The following PLRG1 variants were observed in gnomAD, a reference collection of about 807,000 sequenced individuals.
The protein encoded by PLRG1 is pleiotropic regulator 1.
PLRG1 carries 28 observed loss-of-function variants against 74.9 expected under a neutral mutation model. The ratio of observed to expected loss-of-function variants is 0.37; its 90% CI spans 0.28 to 0.51. The LOEUF is 0.51. PLRG1 is among the 20% of genes least tolerant of loss of function. The pLI is 0.91. For missense variants in PLRG1, 445 were observed against 631.9 expected, an observed-to-expected ratio of 0.70 and a Z score of 3.17; for synonymous variants, 197 against 212.4, an observed-to-expected ratio of 0.93 and a Z score of 0.63.
intron 6 of PLRG1, among the ~76,000 whole-genome samples, 181 bp from the exon 7 acceptor site, chr4:154,544,727 T>C (rs1729617466): frequency 6.6e-6 from 1 of 152,210 alleles, no homozygotes; most frequent in Non-Finnish European, 1.5e-5. Context: ...AGGCAGAGCA[T>C]TAGACTTAAG....
intron 7 of PLRG1, among the ~76,000 whole-genome samples, chr4:154,543,072 G>C (rs938122209): frequency 6.6e-6 from 1 of 152,174 alleles, no homozygotes; most frequent in African/African-American, 2.4e-5. Flanking sequence ...AACTAGAAGA[G>C]TAAAATTGGA....
chr4:154,549,002 T>G (rs1404274602), intron 1 of PLRG1, 67 bp from the exon 2 acceptor site: 7 of 913,978 alleles, frequency 7.7e-6, no homozygotes, highest in Non-Finnish European at 1.3e-5. Flanking sequence ...AAAGTCAGAT[T>G]GATTATACAC....
intron 6 of PLRG1, among the ~76,000 whole-genome samples, chr4:154,545,097 T>G (rs1215604451): frequency 6.6e-6 from 1 of 152,116 alleles, no homozygotes; most frequent in African/African-American, 2.4e-5. Flanking sequence ...CATCTAGTCA[T>G]CCAAAACATA....
chr4:154,542,131 T>C (rs1365851682), intron 8 of PLRG1, 56 bp downstream of exon 8: 1 of 1,093,424 alleles, frequency 9.1e-7, no homozygotes, highest in African/African-American at 1.5e-5. Flanking sequence ...TAATAACTGA[T>C]TAAACTTACA....
At position 154,538,000 on chromosome 4, in the gene PLRG1, C is replaced by A; in HGVS notation, c.1260G>T (p.Thr420=). 2 of 1,524,946 alleles carry A rather than the reference C, an allele frequency of 1.3e-6. No individual in the cohort carries two copies. The highest frequency in any genetic ancestry group is 8.9e-7 in the Non-Finnish European group (1 of 1,123,184). 94.5% of individuals were successfully genotyped at this position (1,524,946 alleles called of 1,614,324 possible). ...ATACAAGCACTCCATCAGAATTTAC[C>A]GTCAATGTGTTAATAATAGCATTAT... ...SGHNAIINTL[T]VNSDGVLVSG... is the part of the protein sequence containing the mutation. Residue 420 remains threonine (T), a synonymous_variant, in exon 13 of 15, where the codon ACG becomes ACT. Transcript: ENST00000499023.
At chr4:154,539,334 C>T (rs1321560342) in intron 11 of PLRG1, 121 bp from the exon 12 acceptor site, 1 of 639,914 alleles carries the variant, frequency 1.6e-6, no homozygotes, top group Non-Finnish European at 2.7e-6. Context: ...ATATCACACG[C>T]AAATTAGTCT....
chr4:154,546,175 G>A lies in PLRG1; in HGVS notation c.352C>T (p.Pro118Ser), dbSNP rs1349747933. ...AAGGACTGTGCAGCTGATTCACTTG[G>A]CATTCTCTGGATCTTAGTATCTGCT... ...LTADTKIQRM[P>S]SESAAQSLAV... is the part of the protein sequence containing the mutation. The change falls in exon 5 of 15, where the codon CCA becomes TCA. Residue 118 changes from proline (P) to serine (S), a missense_variant. Transcript: ENST00000499023. 1.2e-6 allele frequency: 2 copies of A among 1,609,144 alleles called. No individual in the cohort carries two copies. Among genetic ancestry groups the A allele is most frequent in the Non-Finnish European group, 8.5e-7 (1 of 1,175,584 alleles).
At chr4:154,537,695 C>A (rs916105828) in intron 13 of PLRG1, among the ~76,000 whole-genome samples, 2 of 152,044 alleles carry the variant, frequency 1.3e-5, no homozygotes, top group African/African-American at 4.8e-5. Context: ...AATCTGACAT[C>A]CAATTCCAGA....
chr4:154,537,666 A>T, intron 13 of PLRG1, 187 bp from the exon 14 acceptor site: 1 of 508,336 alleles, frequency 2.0e-6, no homozygotes, highest in Non-Finnish European at 3.4e-6. Flanking sequence ...GAACTTATAG[A>T]TCTTAAAAAG....
intron 6 of PLRG1, 59 bp downstream of exon 6, chr4:154,545,777 G>A (rs1729639977): frequency 2.1e-6 from 2 of 973,712 alleles, no homozygotes; most frequent in East Asian, 4.9e-5. Context: ...AAAGAAGAGG[G>A]AAATATGGCA....
At chr4:154,546,675 T>C in intron 4 of PLRG1, 1 of 354,616 alleles carries the variant, frequency 2.8e-6, no homozygotes, top group Non-Finnish European at 5.2e-6. Context: ...ACAGAGGACA[T>C]GTTTCTCAGA....
chr4:154,545,089 T>A (rs1004027108), intron 6 of PLRG1, among the ~76,000 whole-genome samples: 6 of 152,170 alleles, frequency 3.9e-5, no homozygotes, highest in Admixed American at 3.9e-4. Context: ...TTAGCAGTCA[T>A]CTAGTCATCC....
rs547874434 is a variant in PLRG1, at chr4:154,549,087, T to C, written c.10-152A>G. ...TTGTTGCAAGCTACAGGAGTCAAGTTCAGAGAAGAGGAGGAAGCTCCTCTT... is the reference window on the plus strand; with the variant it reads ...TTGTTGCAAGCTACAGGAGTCAAGTCCAGAGAAGAGGAGGAAGCTCCTCTT... On this transcript the variant is annotated intron_variant, in intron 1 of 14. Coordinates refer to ENST00000499023, the MANE Select transcript of PLRG1 (RefSeq NM_002669.4). 15 of 628,620 alleles carry C rather than the reference T, an allele frequency of 2.4e-5. 1 individual carries two copies. The highest frequency in any genetic ancestry group is 1.4e-4 in the African/African-American group (8 of 55,432). The allele number at this position is 628,620 out of a possible 1,614,324, so 38.9% of individuals were successfully genotyped here. A position where few individuals can be genotyped will look rare whatever the true frequency, so the allele number is the denominator to read the frequency against.
chr4:154,539,115 G>A lies in PLRG1; in HGVS notation c.1141C>T (p.His381Tyr). Reference sequence around the variant, plus strand: ...GGAAAATACACTTACTGTCTTGGATGTAAAACCACAGCCCTAACTGATTTT... The same window carrying A: ...GGAAAATACACTTACTGTCTTGGATATAAAACCACAGCCCTAACTGATTTT... ...HKKSVRAVVL[H>Y]PRHYTFASGS... Residue 381 changes from histidine (H) to tyrosine (Y), a missense_variant, in exon 12 of 15, where the codon CAT (histidine) becomes TAT (tyrosine). Physicochemically the swap from His to Tyr is moderately conservative, Grantham distance 83. Around this residue, in one of 3 missense-constraint regions of PLRG1, gnomAD observed 221 missense variants for 377.7 expected, o/e 0.59. Coordinates refer to ENST00000499023, the MANE Select transcript of PLRG1 (RefSeq NM_002669.4). 1 of 1,577,714 alleles carries A rather than the reference G, an allele frequency of 6.3e-7. No individual in the cohort carries two copies. The highest frequency in any genetic ancestry group is 8.7e-7 in the Non-Finnish European group (1 of 1,147,036).
chr4:154,541,014 A>G, intron 8 of PLRG1, 80 bp from the exon 9 acceptor site: 1 of 1,063,556 alleles, frequency 9.4e-7, no homozygotes, highest in Non-Finnish European at 1.3e-6. Flanking sequence ...ATTAAAACTG[A>G]GCTTTCAAAG....
chr4:154,549,713 C>G (rs911725165), intron 1 of PLRG1: 1 of 456,158 alleles, frequency 2.2e-6, no homozygotes, highest in African/African-American at 2.0e-5. Flanking sequence ...GGAAACCAAC[C>G]AACGGGGAGC....
chr4:154,540,476 A>T, intron 10 of PLRG1, 118 bp downstream of exon 10: 1 of 707,096 alleles, frequency 1.4e-6, no homozygotes. Flanking sequence ...TAGGATATTG[A>T]TGACTCAAGA....
At chr4:154,546,088 G>T in intron 5 of PLRG1, 35 bp downstream of exon 5, 1 of 1,294,686 alleles carries the variant, frequency 7.7e-7, no homozygotes, top group Non-Finnish European at 1.1e-6. Context: ...AGTGAAATAT[G>T]CTTTTAAGAT....
intron 13 of PLRG1, 25 bp from the exon 14 acceptor site, chr4:154,537,504 C>T (rs1020784517): frequency 6.5e-7 from 1 of 1,534,610 alleles, no homozygotes; most frequent in Non-Finnish European, 9.0e-7. Context: ...TCTAGTTACA[C>T]CTGGTATCCC....
Sources: allele counts gnomAD v4.1 joint callset (sites outside exome capture counted in the v4.1 genomes callset), GRCh38; gene constraint gnomAD v4.1.1; regional missense constraint gnomAD v4.1.1; transcripts MANE v1.5; gene names NCBI Gene and HGNC (gene_info 2026-07-23, HGNC 2026-07-21).